Variants in DSE observed in about 807,000 individuals in gnomAD.
DSE encodes dermatan sulfate epimerase.
DSE carries 36 observed loss-of-function variants against 84.4 expected under a neutral mutation model. The observed-to-expected ratio is 0.43, with a 90% confidence interval of 0.33 to 0.56. The LOEUF (loss-of-function observed/expected upper bound fraction) is 0.56, where lower values mean the gene tolerates loss of function less well. Ranked by LOEUF, DSE falls within the 20% of genes least tolerant of loss-of-function variation. The pLI, the probability that DSE is intolerant of heterozygous loss-of-function variation, is 0.06. For missense variants in DSE, 862 were observed against 1,169.6 expected, an observed-to-expected ratio of 0.74 and a Z score of 3.84; for synonymous variants, 410 against 430.1, an observed-to-expected ratio of 0.95 and a Z score of 0.58.
intron 2 of DSE, among the ~76,000 whole-genome samples, chr6:116,425,617 TTA>T (rs1783386529): frequency 1.8e-4 from 11 of 59,590 alleles, no homozygotes; most frequent in African/African-American, 2.6e-4. Flanking sequence ...TTATTTATTT[TTA>T]TTTTATTTTA....
rs538253187 is a variant in DSE, at chr6:116,409,313, G to A, written c.416+9647G>A. ...TTTTTTGGAGACAGAGTCTCGCTCTGTCGCCCAGGCTGGAGTGCAGTGGTG... is the reference window on the plus strand; with the variant it reads ...TTTTTTGGAGACAGAGTCTCGCTCTATCGCCCAGGCTGGAGTGCAGTGGTG... On this transcript the variant is annotated intron_variant, in intron 2 of 5. Coordinates refer to ENST00000644252, the MANE Select transcript of DSE (RefSeq NM_013352.4). Among the ~76,000 whole-genome samples the A allele has an allele frequency of 2.0e-5, 3 of 152,272 alleles. No homozygotes were observed. In the South Asian group the frequency reaches 6.2e-4, roughly 32 times the overall value.
At chr6:116,343,427 G>T (rs1438783549) in intron 2 of DSE, among the ~76,000 whole-genome samples, 1 of 152,152 alleles carries the variant, frequency 6.6e-6, no homozygotes, top group Non-Finnish European at 1.5e-5. Flanking sequence ...ATACAGCCAG[G>T]TCCCCCTCTG....
upstream of DSE, among the ~76,000 whole-genome samples, chr6:116,367,608 C>T (rs1779239017): frequency 6.6e-6 from 1 of 152,194 alleles, no homozygotes; most frequent in South Asian, 2.1e-4. Context: ...AGGGATGCCT[C>T]TGCTTGAGAT....
chr6:116,369,780 G>C (rs760846072), upstream of DSE: 34 of 541,378 alleles, frequency 6.3e-5, no homozygotes, highest in Non-Finnish European at 9.4e-5. Flanking sequence ...AAAAAGAGAA[G>C]CATAAACTGA....
chr6:116,278,116 C>T (rs978844120), intron 2 of DSE: 3 of 260,204 alleles, frequency 1.2e-5, no homozygotes, highest in Non-Finnish European at 2.3e-5. Context: ...TGTGCCCATA[C>T]TGCTCAATGC....
At chr6:116,412,537 CT>C (rs1421279723) in intron 2 of DSE, 1 of 152,314 alleles carries the variant, frequency 6.6e-6, no homozygotes, top group Non-Finnish European at 1.5e-5. Context: ...CAGCATGCCT[CT>C]GATGGGTGGC....
At chr6:116,389,875 TTAAA>T (rs1438914476) in intron 1 of DSE, among the ~76,000 whole-genome samples, 1 of 152,144 alleles carries the variant, frequency 6.6e-6, no homozygotes, top group Non-Finnish European at 1.5e-5. Context: ...GTTCAATAGG[TTAAA>T]TAAATTGTTT....
chr6:116,399,917 A>G (rs765447550), intron 2 of DSE: 1 of 480,058 alleles, frequency 2.1e-6, no homozygotes, highest in African/African-American at 1.9e-5. Flanking sequence ...AATTTGCTGA[A>G]TTGAGTAAAG....
intron 2 of DSE, among the ~76,000 whole-genome samples, chr6:116,309,989 A>G (rs916064836): frequency 1.3e-5 from 2 of 152,224 alleles, no homozygotes; most frequent in Non-Finnish European, 2.9e-5. Flanking sequence ...GCAGTCATGC[A>G]CATAAGGAAC....
At chr6:116,416,349 CTGTG>C (rs59237926) in intron 2 of DSE, among the ~76,000 whole-genome samples, 18,774 of 133,758 alleles carry the variant, frequency 0.14, 1,263 homozygotes, top group Middle Eastern at 0.17. Flanking sequence ...CTAATTGCCA[CTGTG>C]TGTGTGTGTG....
chr6:116,271,227 G>T (rs1440949090), intron 2 of DSE, among the ~76,000 whole-genome samples: 13 of 152,348 alleles, frequency 8.5e-5, no homozygotes, highest in Admixed American at 8.5e-4. Flanking sequence ...TTGATAGCAG[G>T]CATTAGAATC....
intron 2 of DSE, among the ~76,000 whole-genome samples, chr6:116,312,508 G>A (rs1775748431): frequency 6.6e-6 from 1 of 152,186 alleles, no homozygotes; most frequent in Admixed American, 6.5e-5. Context: ...GCAGTGAGCA[G>A]TTGGTGGAAG....
intron 2 of DSE, among the ~76,000 whole-genome samples, chr6:116,311,713 T>A (rs1442759891): frequency 6.6e-6 from 1 of 152,206 alleles, no homozygotes; most frequent in Non-Finnish European, 1.5e-5. Flanking sequence ...CGATTCCTTG[T>A]GTATGGAATG....
intron 2 of DSE, chr6:116,278,765 T>C (rs746652096): frequency 1.2e-6 from 2 of 1,614,204 alleles, no homozygotes; most frequent in East Asian, 4.5e-5. Context: ...CTGCGCCATA[T>C]AATTGGAGTA....
At chr6:116,413,053 T>C (rs1583197676) in intron 2 of DSE, among the ~76,000 whole-genome samples, 1 of 152,318 alleles carries the variant, frequency 6.6e-6, no homozygotes, top group Admixed American at 6.5e-5. Context: ...TATGCCTGCC[T>C]AGTATTCCAT....
At chr6:116,379,286 C>T (rs193041566) in intron 1 of DSE, among the ~76,000 whole-genome samples, 3 of 152,172 alleles carry the variant, frequency 2.0e-5, no homozygotes, top group East Asian at 1.9e-4. Flanking sequence ...TTAGGCATTT[C>T]GAGTTCTGTT....
rs548330741 is a variant in DSE, at chr6:116,321,729, G to A, written c.-54+62762G>A. ...GTGGAAGTTGCAGTGAGCCGAGATC[G>A]CGCCACCGCACTCCAGCCCGGGTGG... On this transcript the variant is annotated intron_variant, in intron 2 of 3. Coordinates refer to the DSE transcript ENST00000430252. 7.2e-5 allele frequency among the ~76,000 whole-genome samples: 11 copies of A among 152,178 alleles called. No individual in the cohort carries two copies. The South Asian group carries it at 1.9e-3, about 26-fold the overall frequency.
intron 1 of DSE, among the ~76,000 whole-genome samples, chr6:116,390,286 C>G (rs1780820099): frequency 6.6e-6 from 1 of 152,082 alleles, no homozygotes; most frequent in Non-Finnish European, 1.5e-5. Context: ...CCAGGCTGGT[C>G]TCCAACTCCT....
chr6:116,300,939 A>G (rs1404379642), intron 2 of DSE, among the ~76,000 whole-genome samples: 3 of 152,232 alleles, frequency 2.0e-5, no homozygotes, highest in Admixed American at 2.0e-4. Flanking sequence ...TGCAAACTTC[A>G]TGGCCATCTT....
Sources: gnomAD v4.1 joint callset for allele counts (sites outside exome capture counted in the v4.1 genomes callset) on GRCh38, gnomAD v4.1.1 for gene constraint, MANE v1.5 for transcripts, NCBI Gene and HGNC (gene_info 2026-07-23, HGNC 2026-07-21) for gene names.